Variants in GON4L observed in about 807,000 individuals in gnomAD.
The protein encoded by GON4L is gon-4 like.
Under a neutral mutation model 211.8 loss-of-function variants are expected in GON4L, and 87 were observed. The observed-to-expected ratio is 0.41, with a 90% confidence interval of 0.35 to 0.49. The LOEUF (loss-of-function observed/expected upper bound fraction) is 0.49. Among genes scored for constraint, GON4L ranks in the 20% least tolerant of loss-of-function variants. The probability of loss-of-function intolerance (pLI) is 0.15; values close to 1 mark genes in which losing one functional copy is unlikely to be tolerated. For missense variants in GON4L, 2,155 were observed against 2,659.5 expected, an observed-to-expected ratio of 0.81 and a Z score of 4.17; for synonymous variants, 875 against 962.6, an observed-to-expected ratio of 0.91 and a Z score of 1.68.
chr1:155,750,550 T>C lies in GON4L; in HGVS notation c.*34A>G, dbSNP rs770063326. 6.4e-7 allele frequency: 1 copy of C among 1,564,854 alleles called. No homozygotes were observed. The highest frequency in any genetic ancestry group is 8.8e-7 in the Non-Finnish European group (1 of 1,135,854). ...CCCTCCCCGGTGCCAGGGCGCCTGT[T>C]GGGTTTGGTCCTGTGTAGATGATTC... On this transcript the variant is annotated 3_prime_UTR_variant, in exon 32 of 32. Transcript: ENST00000368331.
At chr1:155,797,871 C>A (rs1210000665) in intron 11 of GON4L, among the ~76,000 whole-genome samples, 7 of 143,358 alleles carry the variant, frequency 4.9e-5, no homozygotes, top group East Asian at 2.0e-4. Flanking sequence ...AAAAAAAAAA[C>A]ACATATATAT....
At chr1:155,845,142 T>C (rs1373464377) in intron 2 of GON4L, among the ~76,000 whole-genome samples, 2 of 152,162 alleles carry the variant, frequency 1.3e-5, no homozygotes, top group African/African-American at 4.8e-5. Flanking sequence ...AGAAGCAGGA[T>C]TTGTTTTCCA....
chr1:155,748,874 T>A (rs574676778), downstream of GON4L: 38 of 1,295,714 alleles, frequency 2.9e-5, no homozygotes, highest in African/African-American at 4.4e-5. Flanking sequence ...TCTAATGATG[T>A]TGTTCCCTCC....
chr1:155,841,686 C>T (rs1670783481), intron 2 of GON4L, among the ~76,000 whole-genome samples: 1 of 152,220 alleles, frequency 6.6e-6, no homozygotes, highest in South Asian at 2.1e-4. Context: ...GCAGGTAGCA[C>T]ACCACCTCAG....
Position 155,763,413 on chromosome 1 carries a change from T to C in GON4L, c.4625A>G (p.Asp1542Gly). 1 of 1,595,486 alleles carries C rather than the reference T, an allele frequency of 6.3e-7. No individual in the cohort carries two copies. Reference sequence around the variant, plus strand: ...TCCAACTGCTTCATCCGTCATTTCATCCTCTTTCTGCAGGCTTTCCATTCC... The same window carrying C: ...TCCAACTGCTTCATCCGTCATTTCACCCTCTTTCTGCAGGCTTTCCATTCC... ...AEGMESLQKEDEMTDEAVGDS... is the reference protein window; with the variant it reads ...AEGMESLQKEGEMTDEAVGDS... The change falls in exon 22 of 32, where the codon GAT becomes GGT. Residue 1542 changes from aspartate (D) to glycine (G), a missense_variant. Physicochemically the swap from Asp to Gly is moderately conservative, Grantham distance 94. Around this residue, in one of 6 missense-constraint regions of GON4L, gnomAD observed 455 missense variants for 504.6 expected, o/e 0.90. Transcript: ENST00000368331.
chr1:155,854,205 A>G (rs822492), intron 1 of GON4L, among the ~76,000 whole-genome samples: 142,916 of 152,302 alleles, frequency 0.94, 67,780 homozygotes, highest in East Asian at 1. Context: ...AGGCTGGAGT[A>G]CAGTGGCGCA....
intron 29 of GON4L, 105 bp downstream of exon 29, chr1:155,753,099 A>G (rs1660786567): frequency 1.2e-6 from 1 of 823,838 alleles, no homozygotes; most frequent in East Asian, 2.6e-5. Flanking sequence ...GAGGTGGTAT[A>G]TCCATCCCTG....
intron 15 of GON4L, among the ~76,000 whole-genome samples, chr1:155,777,023 A>T (rs1454612138): frequency 6.6e-6 from 1 of 152,230 alleles, no homozygotes; most frequent in East Asian, 1.9e-4. Context: ...GACTGAGGTT[A>T]GAAAAAGGAA....
chr1:155,808,041 ATT>A (rs1002576407), intron 10 of GON4L, among the ~76,000 whole-genome samples: 1 of 149,206 alleles, frequency 6.7e-6, no homozygotes, highest in African/African-American at 2.5e-5. Context: ...TTATTTATTT[ATT>A]TTTTTTTTTT....
intron 2 of GON4L, among the ~76,000 whole-genome samples, chr1:155,850,221 T>C (rs1671652170): frequency 1.3e-5 from 2 of 152,164 alleles, no homozygotes; most frequent in African/African-American, 4.8e-5. Flanking sequence ...ATTTTTTATT[T>C]ATGTGATCAA....
chr1:155,838,313 T>C (rs888045352), intron 2 of GON4L, among the ~76,000 whole-genome samples: 1 of 152,184 alleles, frequency 6.6e-6, no homozygotes, highest in East Asian at 1.9e-4. Context: ...TTCAGAATTG[T>C]ATAAATAAGA....
chr1:155,797,824 G>C (rs1243133995), intron 11 of GON4L, among the ~76,000 whole-genome samples: 5 of 150,500 alleles, frequency 3.3e-5, no homozygotes, highest in African/African-American at 1.2e-4. Flanking sequence ...CTGCACTCCA[G>C]CCTGGGCGAG....
intron 6 of GON4L, among the ~76,000 whole-genome samples, chr1:155,817,512 T>A (rs754663719): frequency 1.3e-5 from 2 of 152,176 alleles, no homozygotes; most frequent in Non-Finnish European, 2.9e-5. Flanking sequence ...GGGACCAATA[T>A]AGGGTAAAGG....
chr1:155,764,057 C>T (rs1213131242), intron 21 of GON4L, among the ~76,000 whole-genome samples: 1 of 150,226 alleles, frequency 6.7e-6, no homozygotes, highest in African/African-American at 2.4e-5. Flanking sequence ...ACACACAAAA[C>T]AAGACAAAAA....
intron 2 of GON4L, among the ~76,000 whole-genome samples, chr1:155,843,869 A>G (rs1227490700): frequency 2.0e-5 from 3 of 152,194 alleles, no homozygotes; most frequent in Non-Finnish European, 4.4e-5. Flanking sequence ...CAAGGATTCA[A>G]TTTGTGACCC....
intron 10 of GON4L, among the ~76,000 whole-genome samples, chr1:155,812,527 T>G (rs1176101634): frequency 6.6e-6 from 1 of 152,068 alleles, no homozygotes; most frequent in Non-Finnish European, 1.5e-5. Flanking sequence ...AATAAGCACT[T>G]TAATATATTA....
chr1:155,761,034 G>C (rs1218083991), intron 23 of GON4L, among the ~76,000 whole-genome samples: 1 of 152,172 alleles, frequency 6.6e-6, no homozygotes, highest in Non-Finnish European at 1.5e-5. Context: ...AGGAATGTCA[G>C]TAAAACATTA....
intron 2 of GON4L, among the ~76,000 whole-genome samples, chr1:155,837,915 T>C (rs764448225): frequency 2.6e-5 from 4 of 152,184 alleles, no homozygotes; most frequent in Non-Finnish European, 5.9e-5. Context: ...TTTAATAAAG[T>C]CCAAAGGCTT....
chr1:155,763,189 A>AG, intron 22 of GON4L, 123 bp downstream of exon 22: 3 of 808,838 alleles, frequency 3.7e-6, no homozygotes, highest in Non-Finnish European at 5.9e-6. Flanking sequence ...GTTGCAGAAG[A>AG]GATCCAGAGG....
Sources: allele counts gnomAD v4.1 joint callset (sites outside exome capture counted in the v4.1 genomes callset), GRCh38; gene constraint gnomAD v4.1.1; regional missense constraint gnomAD v4.1.1; transcripts MANE v1.5; gene names NCBI Gene and HGNC (gene_info 2026-07-23, HGNC 2026-07-21).